PBRM1: variants seen among roughly 807,000 people sequenced by gnomAD.
The protein encoded by PBRM1 is polybromo 1.
Under a neutral mutation model 194.5 loss-of-function variants are expected in PBRM1, and 27 were observed. The ratio of observed to expected loss-of-function variants is 0.14; its 90% CI spans 0.10 to 0.19. The LOEUF (loss-of-function observed/expected upper bound fraction) is 0.19. PBRM1 is among the 10% of genes least tolerant of loss of function. PBRM1 has a pLI of 1.00. For missense variants in PBRM1, 1,466 were observed against 2,077.2 expected (o/e 0.71, Z 5.72); for synonymous variants, 655 against 693.2 (o/e 0.94, Z 0.87).
chr3:52,637,653 C>T lies in PBRM1; in HGVS notation c.1088-2838G>A, dbSNP rs1047582573. Among the ~76,000 whole-genome samples, 7 of 150,010 alleles carry T rather than the reference C, an allele frequency of 4.7e-5. No homozygotes were observed. In the South Asian group the frequency reaches 6.4e-4, roughly 14 times the overall value. On this transcript the variant is annotated intron_variant, in intron 10 of 29. Coordinates refer to ENST00000296302, the Ensembl canonical transcript of PBRM1. Reference sequence around the variant, plus strand: ...GTCTCAAGAAAAAAAGAAGGCTGGGCGCAGTAGCTCATGCTTGTAATCCTA... The same window carrying T: ...GTCTCAAGAAAAAAAGAAGGCTGGGTGCAGTAGCTCATGCTTGTAATCCTA...
chr3:52,663,661 GAC>G (rs2096770945), intron 3 of PBRM1, among the ~76,000 whole-genome samples: 1 of 152,164 alleles, frequency 6.6e-6, no homozygotes, highest in Non-Finnish European at 1.5e-5. Context: ...TAGCAAAAAT[GAC>G]AGTGACAACA....
At chr3:52,603,382 A>G (rs1162110241) in intron 17 of PBRM1, 139 bp downstream of exon 19, 1 of 830,080 alleles carries the variant, frequency 1.2e-6, no homozygotes, top group African/African-American at 1.7e-5. Context: ...AAATATTTCC[A>G]TCTCATTGCG....
At chr3:52,566,983 T>C (rs1821879) in intron 22 of PBRM1, among the ~76,000 whole-genome samples, 68,848 of 150,788 alleles carry the variant, frequency 0.46, 16,013 homozygotes, top group African/African-American at 0.52. Flanking sequence ...GCAGGAGAAT[T>C]GCTTGAACCT....
At chr3:52,584,663 C>T (rs2153739970) in intron 20 of PBRM1, among the ~76,000 whole-genome samples, 1 of 151,846 alleles carries the variant, frequency 6.6e-6, no homozygotes, top group East Asian at 1.9e-4. Flanking sequence ...ACCATGATTC[C>T]CAGGCTAGTC....
intron 14 of PBRM1, among the ~76,000 whole-genome samples, chr3:52,615,928 C>T (rs147068490): frequency 3.3e-5 from 5 of 152,246 alleles, no homozygotes; most frequent in African/African-American, 1.2e-4. Flanking sequence ...AACAATTATC[C>T]TTGCTTAGGG....
chr3:52,572,129 GAA>G (rs10634292), intron 22 of PBRM1, among the ~76,000 whole-genome samples: 2 of 109,382 alleles, frequency 1.8e-5, no homozygotes, highest in South Asian at 3.1e-4. Context: ...TAATATTTTT[GAA>G]AAAAAAAAAA....
chr3:52,566,326 A>G (rs2085204463), intron 22 of PBRM1, among the ~76,000 whole-genome samples: 1 of 152,218 alleles, frequency 6.6e-6, no homozygotes. Flanking sequence ...ATGACCTCGC[A>G]ATTCTATTTC....
chr3:52,647,457 A>AATATATATATATAT (rs199916798), intron 7 of PBRM1, among the ~76,000 whole-genome samples: 12 of 47,864 alleles, frequency 2.5e-4, no homozygotes, highest in Non-Finnish European at 3.1e-4. Flanking sequence ...AAAAAAAAAA[A>AATATATATATATAT]ATATATATAT....
intron 10 of PBRM1, among the ~76,000 whole-genome samples, chr3:52,638,644 A>G (rs2095926142): frequency 6.6e-6 from 1 of 151,626 alleles, no homozygotes; most frequent in Non-Finnish European, 1.5e-5. Flanking sequence ...CCAAGGCTAG[A>G]GTGTAGTGGA....
At chr3:52,585,877 T>C (rs552815148) in intron 20 of PBRM1, 3 of 152,308 alleles carry the variant, frequency 2.0e-5, no homozygotes, top group South Asian at 4.1e-4. Flanking sequence ...CATTATTAGA[T>C]AGTTGGCAGT....
intron 10 of PBRM1, among the ~76,000 whole-genome samples, chr3:52,641,308 G>T (rs2096068399): frequency 6.6e-6 from 1 of 151,766 alleles, no homozygotes; most frequent in Non-Finnish European, 1.5e-5. Flanking sequence ...TTAGCCAGGT[G>T]TGGTGGCGCG....
At chr3:52,682,857 C>T (rs1217839427), upstream of PBRM1, among the ~76,000 whole-genome samples, 2 of 152,004 alleles carry the variant, frequency 1.3e-5, no homozygotes, top group African/African-American at 4.8e-5. Flanking sequence ...ACTTGGAGTT[C>T]GAGACCAGAC....
At chr3:52,586,468 T>C (rs760418452) in exon 20 of PBRM1, 1 of 1,613,958 alleles carries the variant, frequency 6.2e-7, no homozygotes, top group Admixed American at 1.7e-5. Flanking sequence ...GTCCTCTGAG[T>C]TGTCTGTATT....
chr3:52,642,055 A>C lies in PBRM1; in HGVS notation c.996-10T>G, dbSNP rs1412342763. The C allele has an allele frequency of 7.2e-7, 1 of 1,393,486 alleles. No individual in the cohort carries two copies. Among genetic ancestry groups the C allele is most frequent in the South Asian group, 1.2e-5 (1 of 85,784 alleles). 86.3% of individuals were successfully genotyped at this position (1,393,486 alleles called of 1,614,324 possible). A position where few individuals can be genotyped will look rare whatever the true frequency, so the allele number is the denominator to read the frequency against. On this transcript the variant is annotated splice_polypyrimidine_tract_variant and intron_variant, in intron 9 of 29. Transcript: ENST00000296302. ...TACTGCTCTTTTATTACTACAAAAA[A>C]AAAAAAAGCAATTAGACAGGGAAGG...
At position 52,658,323 on chromosome 3, in the gene PBRM1, T is replaced by C. The variant is rs747953120; in HGVS notation, c.529-8A>G. On this transcript the variant is annotated splice_region_variant and splice_polypyrimidine_tract_variant and intron_variant, in intron 4 of 29. Coordinates refer to ENST00000296302, the Ensembl canonical transcript of PBRM1. ...CAAGTAAGCTGGAGAAGACTGGTAA[T>C]GTGGAGAAAAAAGTACTTTCTAAGA... 6.7e-7 allele frequency: 1 copy of C among 1,481,656 alleles called. No homozygotes were observed. Among genetic ancestry groups the C allele is most frequent in the African/African-American group, 1.4e-5 (1 of 72,204 alleles). 91.8% of individuals were successfully genotyped at this position (1,481,656 alleles called of 1,614,324 possible).
At chr3:52,664,414 A>AAG (rs954100517) in intron 3 of PBRM1, among the ~76,000 whole-genome samples, 1 of 136,928 alleles carries the variant, frequency 7.3e-6, no homozygotes, top group African/African-American at 2.5e-5. Flanking sequence ...AAAGAACTGA[A>AAG]AAAAAAAAAA....
intron 2 of PBRM1, among the ~76,000 whole-genome samples, chr3:52,675,272 A>T (rs1054350406): frequency 5.3e-5 from 8 of 152,214 alleles, no homozygotes; most frequent in African/African-American, 1.9e-4. Flanking sequence ...TCACTGATGA[A>T]TTCTAACCAG....
At chr3:52,604,753 C>A (rs188006835) in intron 16 of PBRM1, among the ~76,000 whole-genome samples, 86 of 151,672 alleles carry the variant, frequency 5.7e-4, no homozygotes, top group African/African-American at 2.0e-3. Flanking sequence ...ACAATCCCAG[C>A]ACTTTGGGAG....
exon 15 of PBRM1, chr3:52,615,379 A>G (rs1281323921): frequency 6.2e-7 from 1 of 1,608,224 alleles, no homozygotes; most frequent in Non-Finnish European, 8.5e-7. Context: ...AAGCCATGTC[A>G]TCATCATCAG....
Sources: gnomAD v4.1 joint callset for allele counts (sites outside exome capture counted in the v4.1 genomes callset) on GRCh38, gnomAD v4.1.1 for gene constraint, MANE v1.5 for transcripts, NCBI Gene and HGNC (gene_info 2026-07-23, HGNC 2026-07-21) for gene names.